Variants in CHD3 observed in about 807,000 individuals in gnomAD.
CHD3 encodes chromodomain helicase DNA binding protein 3, also known as ATP-dependent chromatin remodeler CHD3.
A neutral mutation model predicts 248.9 loss-of-function variants in CHD3; 52 were observed. The observed-to-expected ratio is 0.21, with a 90% CI of 0.17 to 0.26. The LOEUF is 0.26. Ranked by LOEUF, CHD3 falls within the 10% of genes least tolerant of loss-of-function variation. The probability of loss-of-function intolerance (pLI) is 1.00; values close to 1 mark genes in which losing one functional copy is unlikely to be tolerated. For missense variants in CHD3, 1,482 were observed against 2,605.8 expected, an observed-to-expected ratio of 0.57 and a Z score of 9.39; for synonymous variants, 985 against 985.2, an observed-to-expected ratio of 1.00 and a Z score of 0.00.
rs574676236 is a variant in CHD3 at position 7,906,896 on chromosome 17, C to T, written c.4531C>T (p.Arg1511Cys). ...GCAGGAGTTTGAGCACATCAATGGG[C>T]GTTGGTCAATGCCGGAACTGATGCC... ...KVQEFEHING[R>C]WSMPELMPDP... Residue 1511 changes from arginine to cysteine, a missense_variant, in exon 30 of 40, where the codon CGT becomes TGT. This residue lies in a region of CHD3 where 254 missense variants were observed against 266.7 expected (regional missense o/e 0.95). Transcript: ENST00000330494. The surrounding 1 kb of genome is among the most constrained non-coding windows in gnomAD (Gnocchi z 5.0). The T allele has an allele frequency of 7.4e-6, 12 of 1,614,102 alleles. No individual in the cohort carries two copies. Among genetic ancestry groups the T allele is most frequent in the Non-Finnish European group, 1.0e-5 (12 of 1,180,010 alleles).
At position 7,902,747 on chromosome 17, in the gene CHD3, C is replaced by A; in HGVS notation, c.3370+20C>A. The A allele has an allele frequency of 6.2e-7, 1 of 1,606,906 alleles. No homozygotes were observed. The highest frequency in any genetic ancestry group is 1.3e-5 in the African/African-American group (1 of 74,728). ...TTAATGGTGAGGGAGATACACTGGT[C>A]CCTGGTGGGTGTGGGAGGCCTGAGA... On this transcript the variant is annotated intron_variant, in intron 21 of 39. Transcript: ENST00000330494.
rs1969368533 is a variant in CHD3, at chr17:7,894,483, T to C, written c.1144T>C (p.Cys382Arg). The C allele has an allele frequency of 6.2e-7, 1 of 1,614,130 alleles. No individual in the cohort carries two copies. ...DGYETDHQDY[C>R]EVCQQGGEII... Reference sequence around the variant, plus strand: ...CTACGAGACGGATCACCAGGATTACTGTGAGGTGTGCCAGCAGGGTGGGGA... The same window carrying C: ...CTACGAGACGGATCACCAGGATTACCGTGAGGTGTGCCAGCAGGGTGGGGA... The change falls in exon 8 of 40, where the codon TGT becomes CGT. Residue 382 changes from cysteine to arginine, a missense_variant. Physicochemically the swap from Cys to Arg is radical, Grantham distance 180 (BLOSUM62 -3). Transcript: ENST00000330494.
upstream of CHD3, among the ~76,000 whole-genome samples, chr17:7,888,292 C>T (rs987731079): frequency 6.6e-6 from 1 of 152,182 alleles, no homozygotes; most frequent in Non-Finnish European, 1.5e-5. Flanking sequence ...GGCGAGGCAG[C>T]GACTCTGAGG....
Position 7,911,347 on chromosome 17 carries a change from A to G in CHD3, c.5882-117A>G, listed in dbSNP as rs1335996957. On this transcript the variant is annotated intron_variant, in intron 39 of 39. Transcript: ENST00000330494. The surrounding 1 kb of genome is among the most constrained non-coding windows in gnomAD (Gnocchi z 5.4). The stretch of plus-strand genomic sequence containing the variant: ...GGTTTGCCCGGGTCTTCCCTCCCTC[A>G]CGTGGGACAACGGGAAGTGGCAGGA... 2.6e-6 allele frequency: 4 copies of G among 1,512,352 alleles called. No homozygotes were observed. The highest frequency in any genetic ancestry group is 3.6e-6 in the Non-Finnish European group (4 of 1,098,026). 93.7% of individuals were successfully genotyped at this position (1,512,352 alleles called of 1,614,324 possible).
Position 7,908,645 on chromosome 17 carries a change from C to G in CHD3, c.5262-52C>G. 6.2e-7 allele frequency: 1 copy of G among 1,610,192 alleles called. No individual in the cohort carries two copies. Among genetic ancestry groups the G allele is most frequent in the Admixed American group, 1.7e-5 (1 of 59,862 alleles). On this transcript the variant is annotated intron_variant, in intron 35 of 39. Coordinates refer to ENST00000330494, the MANE Select transcript of CHD3 (RefSeq NM_001005273.3). This position sits in a 1 kb window ranked among gnomAD's most constrained non-coding sequence, Gnocchi z 5.8. ...AGCCAAAAGGAAGAAGTGTTCAAAG[C>G]CAAGCCCATTCCTGTTAAATTCCTT...
intron 8 of CHD3, 127 bp from the exon 9 acceptor site, chr17:7,894,790 C>A: frequency 6.8e-7 from 1 of 1,462,648 alleles, no homozygotes; most frequent in South Asian, 1.3e-5. Context: ...CTGGAGTGTC[C>A]TTTTCCTTAG....
At chr17:7,893,620 C>T in intron 5 of CHD3, 51 bp downstream of exon 5, 1 of 1,536,198 alleles carries the variant, frequency 6.5e-7, no homozygotes, top group Non-Finnish European at 8.7e-7. Flanking sequence ...AACTGCATGT[C>T]TTCACATTAG....
In CHD3 at chr17:7,907,627, G is replaced by A. The variant is rs368192625; in HGVS notation, c.4951G>A (p.Gly1651Arg). 3.3e-6 allele frequency: 5 copies of A among 1,524,332 alleles called. No homozygotes were observed. The highest frequency in any genetic ancestry group is 4.4e-6 in the Non-Finnish European group (5 of 1,140,614). 94.4% of individuals were successfully genotyped at this position (1,524,332 alleles called of 1,614,324 possible). ...CACAGAGTCGACGCCAGGAGAAAGGGGGGAGGAGAAGCCGTTGGATGGACA... is the reference window on the plus strand; with the variant it reads ...CACAGAGTCGACGCCAGGAGAAAGGAGGGAGGAGAAGCCGTTGGATGGACA... ...SATESTPGER[G>R]EEKPLDGQEH... Residue 1651 changes from glycine (G) to arginine (R), a missense_variant, in exon 33 of 40, where the codon GGG (glycine) becomes AGG (arginine). Physicochemically the swap from Gly to Arg is moderately radical, Grantham distance 125. Coordinates refer to ENST00000330494, the MANE Select transcript of CHD3 (RefSeq NM_001005273.3). The surrounding 1 kb of genome is among the most constrained non-coding windows in gnomAD (Gnocchi z 4.3).
At chr17:7,902,898 C>G (rs200694419) in intron 21 of CHD3, 39 bp from the exon 22 acceptor site, 4 of 1,611,048 alleles carry the variant, frequency 2.5e-6, no homozygotes, top group African/African-American at 2.7e-5. Flanking sequence ...ACAGAACTAC[C>G]GGGTACAAGA....
rs77526752 is a variant in CHD3, at chr17:7,904,293, G to T, written c.3895-149G>T. ...AGGTAAGAGATGGCATGGAACATGC[G>T]CAATGTCCAGAAAATGTATGCAGAG... On this transcript the variant is annotated intron_variant, in intron 24 of 39. Coordinates refer to ENST00000330494, the MANE Select transcript of CHD3 (RefSeq NM_001005273.3). The surrounding 1 kb of genome is among the most constrained non-coding windows in gnomAD (Gnocchi z 4.4). 1,571 of 702,596 alleles carry T rather than the reference G, an allele frequency of 2.2e-3. 18 individuals are homozygous for T. In the African/African-American group the frequency reaches 0.025, roughly 11 times the overall value. 43.5% of individuals were successfully genotyped at this position (702,596 alleles called of 1,614,324 possible).
At position 7,907,559 on chromosome 17, in the gene CHD3, A is replaced by AG. The variant is rs1567870989; in HGVS notation, c.4925-39dup. 1 of 1,522,398 alleles carries AG rather than the reference A, an allele frequency of 6.6e-7. No homozygotes were observed. Among genetic ancestry groups the AG allele is most frequent in the East Asian group, 2.3e-5 (1 of 43,752 alleles). 94.3% of individuals were successfully genotyped at this position (1,522,398 alleles called of 1,614,324 possible). On this transcript the variant is annotated intron_variant, in intron 32 of 39. Coordinates refer to ENST00000330494, the MANE Select transcript of CHD3 (RefSeq NM_001005273.3). This position sits in a 1 kb window ranked among gnomAD's most constrained non-coding sequence, Gnocchi z 4.3. ...TTCCCTCTTCTGGGGTCAGGGGATGAGGGTAACATCCTCCCTTCCTATCCC... is the reference window on the plus strand; with the variant it reads ...TTCCCTCTTCTGGGGTCAGGGGATGAGGGGTAACATCCTCCCTTCCTATCCC...
Position 7,900,841 on chromosome 17 carries a change from C to G in CHD3, c.2979-11C>G, listed in dbSNP as rs778492255. ...TTTATGTTTCTTTTACACCCCTTTC[C>G]TGGCCTTTAGGAAATACTACAAATA... On this transcript the variant is annotated splice_polypyrimidine_tract_variant and intron_variant, in intron 18 of 39. Coordinates refer to ENST00000330494, the MANE Select transcript of CHD3 (RefSeq NM_001005273.3). The surrounding 1 kb of genome is among the most constrained non-coding windows in gnomAD (Gnocchi z 6.5). 4 of 1,613,706 alleles carry G rather than the reference C, an allele frequency of 2.5e-6. No homozygotes were observed. Among genetic ancestry groups the G allele is most frequent in the Non-Finnish European group, 3.4e-6 (4 of 1,179,890 alleles).
In CHD3 at chr17:7,911,584, G is replaced by A; in HGVS notation, c.6002G>A (p.Ter2001=). ...GGGGAGGTGATCTGTATAGACGACT[G>A]ACTGGATCCCAGGCCTGCCCTTCAC... ...RAGEVICIDD[*] is the part of the protein sequence containing the mutation. The change falls in exon 40 of 40, where the codon TGA becomes TAA. Residue 2001 remains the stop codon, a stop_retained_variant. Transcript: ENST00000330494. This position sits in a 1 kb window ranked among gnomAD's most constrained non-coding sequence, Gnocchi z 5.4. 1 of 1,613,996 alleles carries A rather than the reference G, an allele frequency of 6.2e-7. No individual in the cohort carries two copies. The highest frequency in any genetic ancestry group is 8.5e-7 in the Non-Finnish European group (1 of 1,179,928).
rs576195479 is a variant in CHD3, at chr17:7,895,779, A to G, written c.1707+237A>G. On this transcript the variant is annotated intron_variant, in intron 10 of 39. Transcript: ENST00000330494. The surrounding 1 kb of genome is among the most constrained non-coding windows in gnomAD (Gnocchi z 4.9). ...ATATAGCATAGCCTTTCCTAACTTC[A>G]TGTCCTTCCTTATCTGTCTTTTTCC... Among the ~76,000 whole-genome samples, 1 of 152,012 alleles carries G rather than the reference A, an allele frequency of 6.6e-6. No individual in the cohort carries two copies. The highest frequency in any genetic ancestry group is 1.9e-4 in the East Asian group (1 of 5,176).
Position 7,905,306 on chromosome 17 carries a change from A to C in CHD3, c.4138+141A>C. On this transcript the variant is annotated intron_variant, in intron 26 of 39. Transcript: ENST00000330494. The surrounding 1 kb of genome is among the most constrained non-coding windows in gnomAD (Gnocchi z 5.8). ...GATTGCAGATGAGCAGAAAGGAAGA[A>C]ATATTCATAGTCTCTCTGCTAGTAA... 1 of 762,398 alleles carries C rather than the reference A, an allele frequency of 1.3e-6. No homozygotes were observed. The highest frequency in any genetic ancestry group is 2.3e-6 in the Non-Finnish European group (1 of 440,382). 47.2% of individuals were successfully genotyped at this position (762,398 alleles called of 1,614,324 possible).
upstream of CHD3, among the ~76,000 whole-genome samples, chr17:7,885,655 C>T (rs1202725702): frequency 3.3e-5 from 5 of 152,078 alleles, no homozygotes; most frequent in Admixed American, 6.5e-5. Flanking sequence ...GAGCAGCCGA[C>T]GGGCCTGCCC....
At position 7,903,257 on chromosome 17, in the gene CHD3, C is replaced by A. The variant is rs533072932; in HGVS notation, c.3496-15C>A. ...ACTCCCCTGACCCACCCGCCACTTT[C>A]TCTTGCCCCTGCAGGCCTTTAGCCG... is the stretch of plus-strand genomic sequence containing the variant. On this transcript the variant is annotated splice_polypyrimidine_tract_variant and intron_variant, in intron 22 of 39. Transcript: ENST00000330494. The surrounding 1 kb of genome is among the most constrained non-coding windows in gnomAD (Gnocchi z 6.8). 6.2e-7 allele frequency: 1 copy of A among 1,612,464 alleles called. No homozygotes were observed. The highest frequency in any genetic ancestry group is 1.3e-5 in the African/African-American group (1 of 75,008).
In CHD3 at chr17:7,906,008, G is replaced by C; in HGVS notation, c.4358+19G>C. On this transcript the variant is annotated intron_variant, in intron 28 of 39. Coordinates refer to ENST00000330494, the MANE Select transcript of CHD3 (RefSeq NM_001005273.3). This position sits in a 1 kb window ranked among gnomAD's most constrained non-coding sequence, Gnocchi z 5.0. The stretch of plus-strand genomic sequence containing the variant: ...AGTTTAAGTGAGTGTGGGTGATACA[G>C]GGCTGAGTTGGACGCAAGGGGAAGA... The C allele has an allele frequency of 6.2e-7, 1 of 1,612,968 alleles. No individual in the cohort carries two copies. The highest frequency in any genetic ancestry group is 8.5e-7 in the Non-Finnish European group (1 of 1,179,240).
At position 7,889,126 on chromosome 17, in the gene CHD3, G is replaced by C. The variant is rs1968449949; in HGVS notation, c.100+26G>C. 1.2e-6 allele frequency: 2 copies of C among 1,614,124 alleles called. No individual in the cohort carries two copies. Among genetic ancestry groups the C allele is most frequent in the Non-Finnish European group, 1.7e-6 (2 of 1,179,968 alleles). ...GTAATTATCCGAGGAAATGTAAATAGAGGCCTCCCTCTTGGCAAAAGGATG... is the reference window on the plus strand; with the variant it reads ...GTAATTATCCGAGGAAATGTAAATACAGGCCTCCCTCTTGGCAAAAGGATG... On this transcript the variant is annotated intron_variant, in intron 1 of 39. Transcript: ENST00000330494. This position sits in a 1 kb window ranked among gnomAD's most constrained non-coding sequence, Gnocchi z 4.5.
Sources: gnomAD v4.1 joint callset for allele counts (sites outside exome capture counted in the v4.1 genomes callset) on GRCh38, gnomAD v4.1.1 for gene constraint, gnomAD v4.1.1 regional missense constraint, Gnocchi (gnomAD v3.1) non-coding constraint, MANE v1.5 for transcripts, NCBI Gene and HGNC (gene_info 2026-07-23, HGNC 2026-07-21) for gene names.